EPN3: variants seen among roughly 807,000 people sequenced by gnomAD.
EPN3 encodes the protein epsin-3.
EPN3 carries 56 observed loss-of-function variants against 55.5 expected under a neutral mutation model. The observed-to-expected ratio is 1.01, with a 90% CI of 0.81 to 1.26. The LOEUF (loss-of-function observed/expected upper bound fraction) is 1.26, where lower values mean the gene tolerates loss of function less well. Ranked by LOEUF, EPN3 falls within the 50% of genes most tolerant of loss-of-function variation. The pLI is 0.00. For synonymous variants in EPN3, 449 were observed against 375.2 expected, an observed-to-expected ratio of 1.20 and a Z score of -2.27; for missense variants, 927 against 853.4, an observed-to-expected ratio of 1.09 and a Z score of -1.07.
chr17:50,537,536 C>T (rs527507291), intron 2 of EPN3: 22 of 232,668 alleles, frequency 9.5e-5, no homozygotes, highest in African/African-American at 4.5e-4. Context: ...CAGGAACGTC[C>T]TCTACCCTGC....
intron 1 of EPN3, among the ~76,000 whole-genome samples, chr17:50,533,564 TG>T (rs1226656845): frequency 6.6e-6 from 1 of 152,196 alleles, no homozygotes; most frequent in Non-Finnish European, 1.5e-5. Flanking sequence ...TGGACAGATC[TG>T]GGTTCTCTCC....
chr17:50,542,273 G>A lies in EPN3; in HGVS notation c.*116G>A. 8.6e-7 allele frequency: 1 copy of A among 1,163,662 alleles called. No individual in the cohort carries two copies. The highest frequency in any genetic ancestry group is 1.1e-6 in the Non-Finnish European group (1 of 886,646). 72.1% of individuals were successfully genotyped at this position (1,163,662 alleles called of 1,614,324 possible). On this transcript the variant is annotated 3_prime_UTR_variant, in exon 10 of 10. Transcript: ENST00000268933. ...GTGGAACGCCGAGCCAGTGGCGGCT[G>A]GTATCCCGCGGCGGCTCTGGAAGCT...
At position 50,539,264 on chromosome 17, in the gene EPN3, A is replaced by G. The variant is rs2034811627; in HGVS notation, c.840A>G (p.Arg280=). The G allele has an allele frequency of 4.3e-6, 7 of 1,614,198 alleles. No homozygotes were observed. Among genetic ancestry groups the G allele is most frequent in the Non-Finnish European group, 5.9e-6 (7 of 1,180,040 alleles). ...AGAVVHHQRD[R]EPEREERKEE... ...CCGTGGTCCACCATCAGCGGGACAGAGAGCCTGAGAGAGAAGAGAGAAAGG... is the reference window on the plus strand; with the variant it reads ...CCGTGGTCCACCATCAGCGGGACAGGGAGCCTGAGAGAGAAGAGAGAAAGG... The change falls in exon 5 of 10, where the codon AGA becomes AGG. Residue 280 remains arginine, a synonymous_variant. Transcript: ENST00000268933.
rs1344576315 is a variant in EPN3, at chr17:50,540,448, A to G, written c.979+114A>G. ...AAATCTGAGTGTCACCGGGCAAGTC[A>G]CTCACCACCTTGAGCCTCCGCCGCC... On this transcript the variant is annotated intron_variant, in intron 6 of 9. Coordinates refer to ENST00000268933, the MANE Select transcript of EPN3 (RefSeq NM_017957.3). 7.1e-6 allele frequency: 7 copies of G among 989,730 alleles called. No individual in the cohort carries two copies. In the Admixed American group the frequency reaches 1.7e-4, roughly 24 times the overall value. 61.3% of individuals were successfully genotyped at this position (989,730 alleles called of 1,614,324 possible). A position where few individuals can be genotyped will look rare whatever the true frequency, so the allele number is the denominator to read the frequency against.
rs2034696939 is a variant in EPN3 at position 50,533,041 on chromosome 17, G to C, written c.-137+56G>C. ...AGTGGCGGCATGGAAGGCGGGGGTT[G>C]GTGGGGAGCAAACAGTGGTTCTGGG... On this transcript the variant is annotated intron_variant, in intron 1 of 9. Coordinates refer to ENST00000268933, the MANE Select transcript of EPN3 (RefSeq NM_017957.3). 2.6e-6 allele frequency: 3 copies of C among 1,135,614 alleles called. No individual in the cohort carries two copies. The African/African-American group carries it at 4.8e-5, about 18-fold the overall frequency. 70.3% of individuals were successfully genotyped at this position (1,135,614 alleles called of 1,614,324 possible).
At position 50,541,636 on chromosome 17, in the gene EPN3, C is replaced by T; in HGVS notation, c.1527C>T (p.Asn509=). ...FLGPSASSLV[N]LDSLVKAPQV... ...GTCCCTCAGCTTCCTCCTTGGTCAA[C>T]CTTGACTCGTTGGTCAAGGCACCCC... Residue 509 remains asparagine, a synonymous_variant, in exon 9 of 10, where the codon AAC becomes AAT. Coordinates refer to ENST00000268933, the MANE Select transcript of EPN3 (RefSeq NM_017957.3). The T allele has an allele frequency of 1.2e-6, 2 of 1,614,152 alleles. No individual in the cohort carries two copies. The highest frequency in any genetic ancestry group is 1.3e-5 in the African/African-American group (1 of 75,044).
rs201145446 is a variant in EPN3 at position 50,540,924 on chromosome 17, G to A, written c.1111G>A (p.Glu371Lys). Reference sequence around the variant, plus strand: ...TCTGACTCCCATGCTCTCCTCCTCTGAGCCCTGGGGCAGGACCCCAGTGCT... The same window carrying A: ...TCTGACTCCCATGCTCTCCTCCTCTAAGCCCTGGGGCAGGACCCCAGTGCT... ...WDLTPMLSSS[E>K]PWGRTPVLPA... Residue 371 changes from glutamate to lysine, a missense_variant, in exon 7 of 10, where the codon GAG becomes AAG. Physicochemically the swap from Glu to Lys is moderately conservative, Grantham distance 56. Transcript: ENST00000268933. 8 of 1,614,060 alleles carry A rather than the reference G, an allele frequency of 5.0e-6. No homozygotes were observed. In the African/African-American group the frequency reaches 6.7e-5, roughly 13 times the overall value.
chr17:50,541,271 C>T lies in EPN3; in HGVS notation c.1292C>T (p.Ser431Phe). The T allele has an allele frequency of 6.2e-7, 1 of 1,613,626 alleles. No individual in the cohort carries two copies. Among genetic ancestry groups the T allele is most frequent in the South Asian group, 1.1e-5 (1 of 91,080 alleles). ...GACCCATTTGCCAAACCTCCAGAAT[C>T]CACAGAGACCAAGGAGGGGCTGGAG... is the stretch of plus-strand genomic sequence containing the variant. ...TFDPFAKPPESTETKEGLEQA... is the reference protein window; with the variant it reads ...TFDPFAKPPEFTETKEGLEQA... The change falls in exon 8 of 10, where the codon TCC (serine) becomes TTC (phenylalanine). Residue 431 changes from serine to phenylalanine, a missense_variant. Ser to Phe is a radical substitution (Grantham distance 155, BLOSUM62 -2). Coordinates refer to ENST00000268933, the MANE Select transcript of EPN3 (RefSeq NM_017957.3).
chr17:50,535,889 A>G (rs1444151587), intron 1 of EPN3: 1 of 152,328 alleles, frequency 6.6e-6, no homozygotes, highest in Non-Finnish European at 1.5e-5. Flanking sequence ...GGCCGAGCAG[A>G]AGCAAGGCAA....
chr17:50,536,983 G>C lies in EPN3; in HGVS notation c.427G>C (p.Glu143Gln). 1 of 1,613,794 alleles carries C rather than the reference G, an allele frequency of 6.2e-7. No homozygotes were observed. ...LLKDEERLRQ[E>Q]RTHALKTKER... ...CAAGGATGAGGAGCGGCTGCGGCAGGAGCGAACCCACGCCCTCAAGACCAA... is the reference window on the plus strand; with the variant it reads ...CAAGGATGAGGAGCGGCTGCGGCAGCAGCGAACCCACGCCCTCAAGACCAA... Residue 143 changes from glutamate to glutamine, a missense_variant, in exon 2 of 10, where the codon GAG becomes CAG. Coordinates refer to ENST00000268933, the MANE Select transcript of EPN3 (RefSeq NM_017957.3).
chr17:50,536,657 G>C lies in EPN3; in HGVS notation c.101G>C (p.Gly34Ala), dbSNP rs769508802. 7 of 1,613,716 alleles carry C rather than the reference G, an allele frequency of 4.3e-6. No homozygotes were observed. The Admixed American group carries it at 5.0e-5, about 12-fold the overall frequency. ...GAGGCCACCAGCAATGACCCCTGGG[G>C]CCCCCCTAGTTCGCTCATGTCCGAG... ...VREATSNDPW[G>A]PPSSLMSEIA... Residue 34 changes from glycine to alanine, a missense_variant, in exon 2 of 10, where the codon GGC becomes GCC. Physicochemically the swap from Gly to Ala is moderately conservative, Grantham distance 60 (BLOSUM62 0). Transcript: ENST00000268933.
Position 50,539,032 on chromosome 17 carries a change from A to G in EPN3, c.762+68A>G, listed in dbSNP as rs1449160852. On this transcript the variant is annotated intron_variant, in intron 4 of 9. Coordinates refer to ENST00000268933, the MANE Select transcript of EPN3 (RefSeq NM_017957.3). Reference sequence around the variant, plus strand: ...GCTGGTGGAGGTGCTTCAGGGCACTAACAGCCTCCTCCCGCTGTACCCGGT... The same window carrying G: ...GCTGGTGGAGGTGCTTCAGGGCACTGACAGCCTCCTCCCGCTGTACCCGGT... 3.2e-6 allele frequency: 5 copies of G among 1,540,786 alleles called. No individual in the cohort carries two copies. The African/African-American group carries it at 5.5e-5, about 17-fold the overall frequency.
Position 50,541,868 on chromosome 17 carries a change from AC to A in EPN3, c.1613del (p.Pro538ArgfsTer12), listed in dbSNP as rs771323647. 6.2e-7 allele frequency: 1 copy of A among 1,607,942 alleles called. No individual in the cohort carries two copies. The highest frequency in any genetic ancestry group is 1.1e-5 in the South Asian group (1 of 91,042). The part of the protein sequence containing the change: ...LTGLSAPSPT[N>X]PFGAGEPGRP... ...GGTCTCAGCGCTCCGTCCCCCACCA[AC>A]CCGTTCGGCGCGGGCGAGCCGGGCA... is the stretch of plus-strand genomic sequence containing the variant. On this transcript the variant is annotated frameshift_variant, in exon 10 of 10. Coordinates refer to ENST00000268933, the MANE Select transcript of EPN3 (RefSeq NM_017957.3). LOFTEE classifies it high-confidence loss of function.
intron 3 of EPN3, chr17:50,538,665 T>G: frequency 2.1e-6 from 1 of 478,648 alleles, no homozygotes; most frequent in Non-Finnish European, 3.8e-6. Flanking sequence ...TCTCAGAGGA[T>G]TCAGAAGCGA....
At chr17:50,540,382 C>A in intron 6 of EPN3, 48 bp downstream of exon 6, 7 of 1,545,836 alleles carry the variant, frequency 4.5e-6, no homozygotes, top group Non-Finnish European at 6.2e-6. Context: ...CCAAGAGCCT[C>A]CTCCTTCCCA....
chr17:50,540,334 G>C lies in EPN3; in HGVS notation c.979G>C (p.Gly327Arg). Residue 327 changes from glycine (G) to arginine (R), a missense_variant and splice_region_variant, in exon 6 of 10, where the codon GGT becomes CGT. Gly to Arg is a moderately radical substitution (Grantham distance 125). Coordinates refer to ENST00000268933, the MANE Select transcript of EPN3 (RefSeq NM_017957.3). ...HCSADPWDIP[G>R]FRPNTEASGS... is the part of the protein sequence containing the mutation. Reference sequence around the variant, plus strand: ...CTCTGCTGACCCATGGGACATCCCAGGTGGGCATGCAGGGCTGCAAGAGAC... The same window carrying C: ...CTCTGCTGACCCATGGGACATCCCACGTGGGCATGCAGGGCTGCAAGAGAC... 6.2e-7 allele frequency: 1 copy of C among 1,609,666 alleles called. No homozygotes were observed. Among genetic ancestry groups the C allele is most frequent in the South Asian group, 1.1e-5 (1 of 90,992 alleles).
chr17:50,533,044 G>A, intron 1 of EPN3, 59 bp downstream of exon 1: 1 of 1,122,052 alleles, frequency 8.9e-7, no homozygotes, highest in South Asian at 1.3e-5. Flanking sequence ...GGGGGTTGGT[G>A]GGGAGCAAAC....
At chr17:50,535,823 C>G (rs779409357) in intron 1 of EPN3, among the ~76,000 whole-genome samples, 3 of 152,174 alleles carry the variant, frequency 2.0e-5, no homozygotes, top group African/African-American at 7.2e-5. Context: ...GAAAAGTGAG[C>G]TGAGGAGCTA....
In EPN3 at chr17:50,541,206, CCTCTTCCTCTCT is replaced by C; in HGVS notation, c.1250-15_1250-4del. Reference sequence around the variant, plus strand: ...ACCTGCCCTTTTTGTCAACCCATCTCCTCTTCCTCTCTCTCTTCCGAGGTGGTGCCTCGACCT... The same window carrying C: ...ACCTGCCCTTTTTGTCAACCCATCTCCTCTTCCGAGGTGGTGCCTCGACCT... On this transcript the variant is annotated splice_polypyrimidine_tract_variant and intron_variant, in intron 7 of 9. Transcript: ENST00000268933. The C allele has an allele frequency of 1.2e-6, 2 of 1,613,260 alleles. No homozygotes were observed. Among genetic ancestry groups the C allele is most frequent in the Non-Finnish European group, 1.7e-6 (2 of 1,179,842 alleles).
Sources: gnomAD v4.1 joint callset for allele counts (sites outside exome capture counted in the v4.1 genomes callset) on GRCh38, gnomAD v4.1.1 for gene constraint, MANE v1.5 for transcripts, NCBI Gene and HGNC (gene_info 2026-07-23, HGNC 2026-07-21) for gene names.